The following ST3GAL3 variants were observed in gnomAD, a reference collection of about 807,000 sequenced individuals.
The protein encoded by ST3GAL3 is ST3 beta-galactoside alpha-2,3-sialyltransferase 3, also known as CMP-N-acetylneuraminate-beta-1,4-galactoside alpha-2,3-sialyltransferase.
A neutral mutation model predicts 50.1 loss-of-function variants in ST3GAL3; 21 were observed. The observed-to-expected ratio is 0.42, with a 90% confidence interval of 0.30 to 0.60. ST3GAL3 has a LOEUF of 0.60. ST3GAL3 is among the 20% of genes least tolerant of loss of function. The pLI, the probability that ST3GAL3 is intolerant of heterozygous loss-of-function variation, is 0.19. For synonymous variants in ST3GAL3, 183 were observed against 190.0 expected (o/e 0.96, Z 0.30); for missense variants, 353 against 489.4 (o/e 0.72, Z 2.63).
chr1:43,838,469 T>G (rs2064806965), intron 5 of ST3GAL3, 158 bp downstream of exon 5: 2 of 702,542 alleles, frequency 2.8e-6, no homozygotes, highest in Admixed American at 2.0e-5. Context: ...ACTCCAGTCC[T>G]ACTCCATGCC....
intron 5 of ST3GAL3, chr1:43,850,920 T>C (rs1574230188): frequency 1.7e-6 from 2 of 1,199,216 alleles, no homozygotes; most frequent in Admixed American, 1.7e-5. Context: ...AGTCTTGGGA[T>C]CCATACTTTG....
At position 43,899,793 on chromosome 1, in the gene ST3GAL3, C is replaced by A; in HGVS notation, c.744+66C>A. 1 of 1,455,786 alleles carries A rather than the reference C, an allele frequency of 6.9e-7. No homozygotes were observed. Among genetic ancestry groups the A allele is most frequent in the Non-Finnish European group, 9.6e-7 (1 of 1,039,812 alleles). The allele number at this position is 1,455,786 out of a possible 1,614,324, so 90.2% of individuals were successfully genotyped here. On this transcript the variant is annotated intron_variant, in intron 9 of 11. Transcript: ENST00000347631. The surrounding 1 kb of genome is among the most constrained non-coding windows in gnomAD (Gnocchi z 5.4). ...GGCTTCCGCAACTCCTAAGCAATCC[C>A]GCCCCTTGAATGCAGCAAAGAACGA...
At chr1:43,909,205 T>C (rs1442146799) in intron 9 of ST3GAL3, among the ~76,000 whole-genome samples, 1 of 152,192 alleles carries the variant, frequency 6.6e-6, no homozygotes, top group Non-Finnish European at 1.5e-5. Context: ...GAGTCAGGAT[T>C]CTAACTCCAA....
intron 3 of ST3GAL3, among the ~76,000 whole-genome samples, chr1:43,812,350 T>G (rs369742300): frequency 6.6e-6 from 1 of 152,346 alleles, no homozygotes; most frequent in East Asian, 1.9e-4. Flanking sequence ...ACTCTCCAGA[T>G]GGACTCAGTT....
chr1:43,746,507 G>C (rs1683723554), intron 2 of ST3GAL3, among the ~76,000 whole-genome samples: 1 of 150,464 alleles, frequency 6.6e-6, no homozygotes, highest in East Asian at 1.9e-4. Context: ...CTGTCACCCA[G>C]GCTGGAGTGC....
At chr1:43,750,497 A>T (rs1173831372) in intron 2 of ST3GAL3, among the ~76,000 whole-genome samples, 1 of 152,238 alleles carries the variant, frequency 6.6e-6, no homozygotes, top group African/African-American at 2.4e-5. Flanking sequence ...TTTAATTATA[A>T]AGAACTAAAT....
chr1:43,739,940 G>A (rs1680119988), intron 2 of ST3GAL3, among the ~76,000 whole-genome samples: 1 of 152,048 alleles, frequency 6.6e-6, no homozygotes, highest in Non-Finnish European at 1.5e-5. Flanking sequence ...TATTATACAT[G>A]TAGTATGATA....
chr1:43,850,254 G>C, intron 5 of ST3GAL3: 1 of 442,930 alleles, frequency 2.3e-6, no homozygotes, highest in Non-Finnish European at 4.4e-6. Context: ...CCAGCAGGTA[G>C]CTTCCTCTGT....
intron 4 of ST3GAL3, among the ~76,000 whole-genome samples, chr1:43,827,222 T>C (rs1458358102): frequency 2.0e-5 from 3 of 152,114 alleles, no homozygotes; most frequent in African/African-American, 4.8e-5. Context: ...TAATAAGCAA[T>C]TAAGGCAAGT....
rs921613491 is a variant in ST3GAL3 at position 43,793,953 on chromosome 1, C to T, written c.166+1804C>T. Among the ~76,000 whole-genome samples, 32 of 151,846 alleles carry T rather than the reference C, an allele frequency of 2.1e-4. 1 individual carries two copies. Among genetic ancestry groups the T allele is most frequent in the Middle Eastern group, 6.8e-3 (2 of 294 alleles). On this transcript the variant is annotated intron_variant, in intron 3 of 11. Transcript: ENST00000347631. Reference sequence around the variant, plus strand: ...TTTTAAAATAGTAAGGGCACGGTGGCGTGTGCCTGTAGTCTGAGGTACTCA... The same window carrying T: ...TTTTAAAATAGTAAGGGCACGGTGGTGTGTGCCTGTAGTCTGAGGTACTCA...
At chr1:43,772,950 T>C (rs112064367) in intron 2 of ST3GAL3, among the ~76,000 whole-genome samples, 1,592 of 152,286 alleles carry the variant, frequency 0.01, 35 homozygotes, top group African/African-American at 0.035. Context: ...GATTTCACCA[T>C]GTTGGCCAGG....
At chr1:43,912,049 T>C (rs886575736) in intron 9 of ST3GAL3, 1 of 152,168 alleles carries the variant, frequency 6.6e-6, no homozygotes, top group African/African-American at 2.4e-5. Context: ...AATACGTCCA[T>C]TTGTAATTTT....
chr1:43,858,092 C>G (rs1034374466), intron 5 of ST3GAL3: 2 of 1,286,060 alleles, frequency 1.6e-6, no homozygotes, highest in Non-Finnish European at 2.0e-6. Flanking sequence ...GTTGCTCAAC[C>G]TTTCTGAGCC....
chr1:43,906,142 A>C (rs1180258608), intron 9 of ST3GAL3, among the ~76,000 whole-genome samples: 3 of 56,264 alleles, frequency 5.3e-5, no homozygotes, highest in African/African-American at 7.1e-5. Flanking sequence ...TCTTCCCACC[A>C]CTGTTCCTCC....
At position 43,737,815 on chromosome 1, in the gene ST3GAL3, T is replaced by C. The variant is rs968991959; in HGVS notation, c.118+1435T>C. 1 of 152,248 alleles carries C rather than the reference T, an allele frequency of 6.6e-6. No individual in the cohort carries two copies. Among genetic ancestry groups the C allele is most frequent in the Non-Finnish European group, 1.5e-5 (1 of 68,044 alleles). 9.4% of individuals were successfully genotyped at this position (152,248 alleles called of 1,614,324 possible). On this transcript the variant is annotated intron_variant, in intron 2 of 11. Coordinates refer to ENST00000347631, the MANE Select transcript of ST3GAL3 (RefSeq NM_006279.5). The surrounding 1 kb of genome is among the most constrained non-coding windows in gnomAD (Gnocchi z 4.0). The stretch of plus-strand genomic sequence containing the variant: ...TATAACCAAGGATCAGATAAGATTT[T>C]CCTAGATCAGTAGGGAAGGGAATTA...
intron 5 of ST3GAL3, among the ~76,000 whole-genome samples, chr1:43,865,061 G>T (rs2070980269): frequency 6.7e-6 from 1 of 149,046 alleles, no homozygotes; most frequent in South Asian, 2.1e-4. Flanking sequence ...CTGTCGCCCA[G>T]GCTGGAGTGC....
chr1:43,768,973 C>T (rs1350663038), intron 2 of ST3GAL3, among the ~76,000 whole-genome samples: 2 of 151,888 alleles, frequency 1.3e-5, no homozygotes, highest in East Asian at 3.9e-4. Flanking sequence ...GGCCAAGCTA[C>T]CTAAAAATAT....
intron 11 of ST3GAL3, among the ~76,000 whole-genome samples, chr1:43,929,547 C>T (rs1256961036): frequency 2.6e-5 from 4 of 152,098 alleles, no homozygotes; most frequent in Admixed American, 2.0e-4. Flanking sequence ...GTGATCCACC[C>T]GCCTCGGCCT....
chr1:43,863,653 GC>G (rs1055106041), intron 5 of ST3GAL3, among the ~76,000 whole-genome samples: 3 of 152,216 alleles, frequency 2.0e-5, no homozygotes, highest in African/African-American at 7.2e-5. Context: ...CACTAAGCCA[GC>G]TTCCGCCCCC....
Sources: allele counts gnomAD v4.1 joint callset (sites outside exome capture counted in the v4.1 genomes callset), GRCh38; gene constraint gnomAD v4.1.1; non-coding constraint Gnocchi (gnomAD v3.1); transcripts MANE v1.5; gene names NCBI Gene and HGNC (gene_info 2026-07-23, HGNC 2026-07-21).